The following DNM3 variants were observed in gnomAD, a reference collection of about 807,000 sequenced individuals.
DNM3 encodes the protein dynamin 3.
DNM3 carries 47 observed loss-of-function variants against 101.6 expected under a neutral mutation model. The observed-to-expected ratio is 0.46, with a 90% CI of 0.37 to 0.59. The LOEUF (loss-of-function observed/expected upper bound fraction) is 0.59, where lower values mean the gene tolerates loss of function less well. Among genes scored for constraint, DNM3 ranks in the 20% least tolerant of loss-of-function variants. DNM3 has a pLI of 0.00. For missense variants in DNM3, 849 were observed against 1,085.7 expected, an observed-to-expected ratio of 0.78 and a Z score of 3.06; for synonymous variants, 385 against 387.9, an observed-to-expected ratio of 0.99 and a Z score of 0.09.
chr1:172,056,777 A>T (rs991252383), intron 10 of DNM3, among the ~76,000 whole-genome samples: 22 of 152,240 alleles, frequency 1.4e-4, no homozygotes, highest in African/African-American at 2.9e-4. Context: ...ACTCTAAAAA[A>T]GCAGAGTGCC....
intron 14 of DNM3, among the ~76,000 whole-genome samples, chr1:172,222,013 T>C (rs1325443336): frequency 6.6e-6 from 1 of 152,120 alleles, no homozygotes; most frequent in Admixed American, 6.6e-5. Context: ...TCTAGACTCA[T>C]TGCGAGTATA....
chr1:172,302,694 T>G (rs927627841), intron 15 of DNM3, among the ~76,000 whole-genome samples: 2 of 152,098 alleles, frequency 1.3e-5, no homozygotes, highest in African/African-American at 2.4e-5. Context: ...GACAGCAATA[T>G]TTGCTGTTCT....
intron 17 of DNM3, among the ~76,000 whole-genome samples, chr1:172,331,494 C>T (rs2066181658): frequency 6.6e-6 from 1 of 151,992 alleles, no homozygotes; most frequent in South Asian, 2.1e-4. Context: ...GAATTAGAGT[C>T]CCACTAAGAA....
chr1:172,410,988 G>A lies in DNM3; in HGVS notation c.*3147G>A. The A allele has an allele frequency of 1.0e-6, 1 of 985,176 alleles. No individual in the cohort carries two copies. Among genetic ancestry groups the A allele is most frequent in the Non-Finnish European group, 1.2e-6 (1 of 829,758 alleles). 61.0% of individuals were successfully genotyped at this position (985,176 alleles called of 1,614,324 possible). ...ATACCTAGTAAGTATGTTTCTGTAA[G>A]TATGTGTATTTTATGTCCATTTGAG... On this transcript the variant is annotated 3_prime_UTR_variant, in exon 21 of 21. Transcript: ENST00000627582.
chr1:171,946,246 C>T (rs1461680602), intron 2 of DNM3, among the ~76,000 whole-genome samples: 1 of 152,052 alleles, frequency 6.6e-6, no homozygotes, highest in Non-Finnish European at 1.5e-5. Context: ...TGACAAAAGA[C>T]AGATTAGCAA....
At chr1:172,075,394 A>G (rs1208977788) in intron 11 of DNM3, among the ~76,000 whole-genome samples, 1 of 152,140 alleles carries the variant, frequency 6.6e-6, no homozygotes, top group Non-Finnish European at 1.5e-5. Flanking sequence ...CTCCATGCCT[A>G]TGTCCTGAAT....
chr1:171,880,212 C>T (rs1422991674), intron 1 of DNM3, among the ~76,000 whole-genome samples: 3 of 152,172 alleles, frequency 2.0e-5, no homozygotes, highest in African/African-American at 4.8e-5. Flanking sequence ...AGTAAGGAAA[C>T]AATTTTCAGA....
chr1:172,025,369 G>T (rs967852492), intron 4 of DNM3, among the ~76,000 whole-genome samples: 1 of 152,200 alleles, frequency 6.6e-6, no homozygotes, highest in East Asian at 1.9e-4. Flanking sequence ...GCGGCTGTGG[G>T]TGCAGCTTCA....
intron 17 of DNM3, among the ~76,000 whole-genome samples, chr1:172,327,437 G>T (rs2065981764): frequency 6.6e-6 from 1 of 152,084 alleles, no homozygotes; most frequent in African/African-American, 2.4e-5. Flanking sequence ...CTAAATTATT[G>T]TCCTTGGTCG....
intron 15 of DNM3, among the ~76,000 whole-genome samples, chr1:172,304,205 G>GAAAAAAAAAAAAAAAAAAAAAAAAAA (rs1573379110): frequency 2.3e-5 from 1 of 44,256 alleles, no homozygotes; most frequent in African/African-American, 3.3e-4. Context: ...CAAAAGGAAA[G>GAAAAAAAAAAAAAAAAAAAAAAAAAA]CAAAAAAAAA....
chr1:172,351,992 CA>C (rs2067222564), intron 17 of DNM3, among the ~76,000 whole-genome samples: 2 of 152,136 alleles, frequency 1.3e-5, no homozygotes, highest in Non-Finnish European at 1.5e-5. Context: ...AACAGTTTGC[CA>C]AAAGGCATCA....
intron 4 of DNM3, 86 bp from the exon 5 acceptor site, chr1:172,032,316 G>A (rs1445400622): frequency 3.2e-6 from 3 of 951,938 alleles, no homozygotes; most frequent in Non-Finnish European, 3.4e-6. Context: ...AGGAAAATGT[G>A]CTTTACATTT....
chr1:171,914,936 G>A (rs188620171), intron 1 of DNM3, among the ~76,000 whole-genome samples: 40 of 152,208 alleles, frequency 2.6e-4, no homozygotes, highest in African/African-American at 8.9e-4. Flanking sequence ...GGGGGACCTC[G>A]AGAAGACTCC....
intron 11 of DNM3, among the ~76,000 whole-genome samples, chr1:172,078,913 T>C (rs1383805716): frequency 6.6e-6 from 1 of 152,050 alleles, no homozygotes; most frequent in Admixed American, 6.5e-5. Flanking sequence ...AAACTCTGCG[T>C]TGAAATTTCT....
chr1:172,156,952 G>A (rs2058361359), intron 14 of DNM3, among the ~76,000 whole-genome samples: 1 of 152,008 alleles, frequency 6.6e-6, no homozygotes, highest in African/African-American at 2.4e-5. Flanking sequence ...CTTTCTCATA[G>A]AGCAGGAGAC....
intron 15 of DNM3, among the ~76,000 whole-genome samples, chr1:172,254,949 T>C (rs10489289): frequency 0.21 from 32,629 of 152,084 alleles, 3,501 homozygotes; most frequent in East Asian, 0.25. Context: ...ACCCATTTTT[T>C]GAGGCTGCCT....
intron 4 of DNM3, among the ~76,000 whole-genome samples, chr1:171,993,669 C>T (rs2045798958): frequency 6.6e-6 from 1 of 151,562 alleles, no homozygotes; most frequent in Admixed American, 6.6e-5. Context: ...ATTCTTTCTT[C>T]CTCTTTCTCT....
intron 4 of DNM3, among the ~76,000 whole-genome samples, chr1:172,017,950 G>A (rs982967896): frequency 1.3e-5 from 2 of 151,944 alleles, no homozygotes; most frequent in African/African-American, 2.4e-5. Flanking sequence ...ATTATATAAT[G>A]CCCCTCTTTT....
intron 14 of DNM3, among the ~76,000 whole-genome samples, chr1:172,249,800 A>G (rs1430833485): frequency 1.3e-5 from 2 of 152,182 alleles, no homozygotes; most frequent in South Asian, 4.1e-4. Context: ...GTTTTTCTCC[A>G]TAACATAGAA....
Sources: gnomAD v4.1 joint callset for allele counts (sites outside exome capture counted in the v4.1 genomes callset) on GRCh38, gnomAD v4.1.1 for gene constraint, MANE v1.5 for transcripts, NCBI Gene and HGNC (gene_info 2026-07-23, HGNC 2026-07-21) for gene names.